CFHR5: variants seen among roughly 807,000 people sequenced by gnomAD.
CFHR5 encodes complement factor H related 5.
In CFHR5, 73 loss-of-function variants were observed where a neutral mutation model predicts 62.9. That is an observed-to-expected ratio of 1.16 (90% CI 0.96 to 1.41). The LOEUF is 1.41. CFHR5 is among the 40% of genes most tolerant of loss of function. The pLI, the probability that CFHR5 is intolerant of heterozygous loss-of-function variation, is 0.00. For missense variants in CFHR5, 779 were observed against 679.9 expected (o/e 1.15, Z -1.62); for synonymous variants, 249 against 227.2 (o/e 1.10, Z -0.86).
intron 3 of CFHR5, among the ~76,000 whole-genome samples, chr1:196,991,953 A>G (rs1454857138): frequency 6.6e-6 from 1 of 152,198 alleles, no homozygotes; most frequent in African/African-American, 2.4e-5. Flanking sequence ...TGTCTACAGA[A>G]GTTTCTGCTG....
At chr1:196,980,871 A>G (rs1411452766) in intron 1 of CFHR5, among the ~76,000 whole-genome samples, 5 of 152,144 alleles carry the variant, frequency 3.3e-5, no homozygotes, top group African/African-American at 1.2e-4. Context: ...AGAATATGTA[A>G]GTACATATGC....
At chr1:197,003,421 G>C (rs1435801530) in intron 8 of CFHR5, among the ~76,000 whole-genome samples, 1 of 152,100 alleles carries the variant, frequency 6.6e-6, no homozygotes, top group Non-Finnish European at 1.5e-5. Flanking sequence ...CTAGGTTTGT[G>C]TAGGCTCACT....
At position 196,998,257 on chromosome 1, in the gene CFHR5, A is replaced by C. The variant is rs766952894; in HGVS notation, c.1100A>C (p.His367Pro). ...YRCSDIFRYR[H>P]SVCINGKWNP... is the part of the protein sequence containing the mutation. Reference sequence around the variant, plus strand: ...TGTTCAGACATCTTCAGATACAGGCACTCAGTCTGTATAAACGGGAAATGG... The same window carrying C: ...TGTTCAGACATCTTCAGATACAGGCCCTCAGTCTGTATAAACGGGAAATGG... Residue 367 changes from histidine (H) to proline (P), a missense_variant, in exon 7 of 10, where the codon CAC becomes CCC. By Grantham distance (77) the His-to-Pro change is moderately conservative. Transcript: ENST00000256785. The C allele has an allele frequency of 6.2e-7, 1 of 1,610,624 alleles. No homozygotes were observed. Among genetic ancestry groups the C allele is most frequent in the Non-Finnish European group, 8.5e-7 (1 of 1,177,774 alleles).
At position 196,984,141 on chromosome 1, in the gene CFHR5, A is replaced by G. The variant is rs1388713641; in HGVS notation, c.430+4A>G. The G allele has an allele frequency of 1.9e-6, 3 of 1,611,068 alleles. No homozygotes were observed. Among genetic ancestry groups the G allele is most frequent in the Non-Finnish European group, 2.5e-6 (3 of 1,177,530 alleles). On this transcript the variant is annotated splice_donor_region_variant and intron_variant, in intron 3 of 9. Coordinates refer to ENST00000256785, the MANE Select transcript of CFHR5 (RefSeq NM_030787.4). ...CCTCCCATATGCAGCTTCACTAGTA[A>G]GCAAAATACCACTCTCTCAGTTTTG...
intron 1 of CFHR5, among the ~76,000 whole-genome samples, chr1:196,979,256 C>CTGTGTGTGTG (rs57862148): frequency 0.037 from 5,498 of 148,520 alleles, 317 homozygotes; most frequent in African/African-American, 0.12. Flanking sequence ...AGGTAATTGT[C>CTGTGTGTGTG]TGTGTGTGTG....
rs1370951971 is a variant in CFHR5 at position 197,008,844 on chromosome 1, G to A, written c.*161G>A. 1.7e-5 allele frequency: 11 copies of A among 652,802 alleles called. No homozygotes were observed. The highest frequency in any genetic ancestry group is 2.7e-5 in the Non-Finnish European group (10 of 368,776). 40.4% of individuals were successfully genotyped at this position (652,802 alleles called of 1,614,324 possible). On this transcript the variant is annotated 3_prime_UTR_variant, in exon 10 of 10. Coordinates refer to ENST00000256785, the MANE Select transcript of CFHR5 (RefSeq NM_030787.4). The stretch of plus-strand genomic sequence containing the variant: ...TTTTTAGAGCTTTAGAAATTTGTAA[G>A]CTGAGAGAACAATGTTTCACTTAAT...
At chr1:197,008,363 A>T (rs1654346097) in intron 9 of CFHR5, 124 bp from the exon 10 acceptor site, 3 of 434,532 alleles carry the variant, frequency 6.9e-6, no homozygotes, top group Non-Finnish European at 3.6e-6. Context: ...ATTATTTTTT[A>T]AATAAATATT....
intron 3 of CFHR5, among the ~76,000 whole-genome samples, chr1:196,985,741 G>A (rs930587416): frequency 9.9e-5 from 15 of 152,282 alleles, no homozygotes; most frequent in African/African-American, 3.4e-4. Context: ...TCTGTGTACA[G>A]TCTGTAAGAT....
At chr1:196,987,591 T>C (rs187292942) in intron 3 of CFHR5, among the ~76,000 whole-genome samples, 2 of 152,296 alleles carry the variant, frequency 1.3e-5, no homozygotes, top group African/African-American at 4.8e-5. Context: ...GGCCAGGCAG[T>C]TTTCCCAGCA....
At position 197,004,812 on chromosome 1, in the gene CFHR5, T is replaced by C. The variant is rs1654243212; in HGVS notation, c.1482T>C (p.Asn494=). 1 of 1,613,712 alleles carries C rather than the reference T, an allele frequency of 6.2e-7. No individual in the cohort carries two copies. Among genetic ancestry groups the C allele is most frequent in the Admixed American group, 1.7e-5 (1 of 60,000 alleles). ...LQGSVTVTCR[N]KQWSEPPRCL... ...GCTCTGTAACTGTAACATGCAGAAA[T>C]AAACAGTGGTCAGAACCACCAAGAT... The change falls in exon 9 of 10, where the codon AAT becomes AAC. Residue 494 remains asparagine, a synonymous_variant. Transcript: ENST00000256785.
intron 1 of CFHR5, among the ~76,000 whole-genome samples, chr1:196,979,252 T>TTGTGTG (rs1304002381): frequency 7.9e-5 from 8 of 100,932 alleles, no homozygotes; most frequent in African/African-American, 3.6e-4. Flanking sequence ...ATATAGGTAA[T>TTGTGTG]TGTCTGTGTG....
intron 9 of CFHR5, 27 bp downstream of exon 9, chr1:197,004,870 C>G: frequency 6.5e-7 from 1 of 1,545,502 alleles, no homozygotes; most frequent in Non-Finnish European, 8.9e-7. Flanking sequence ...CTCTTGGAAT[C>G]TGAGATTTAA....
chr1:196,992,521 A>C (rs911049711), intron 3 of CFHR5, among the ~76,000 whole-genome samples: 3 of 152,086 alleles, frequency 2.0e-5, no homozygotes, highest in Non-Finnish European at 4.4e-5. Context: ...CTCCCCCTCC[A>C]TGGACTGCAC....
At chr1:197,007,871 C>T (rs1654331824) in intron 9 of CFHR5, among the ~76,000 whole-genome samples, 2 of 146,376 alleles carry the variant, frequency 1.4e-5, no homozygotes, top group East Asian at 2.0e-4. Flanking sequence ...GATTACATTA[C>T]ATTAGATATA....
chr1:196,987,896 T>G (rs1354408812), intron 3 of CFHR5, among the ~76,000 whole-genome samples: 1 of 152,204 alleles, frequency 6.6e-6, no homozygotes, highest in Non-Finnish European at 1.5e-5. Context: ...TTTTGTCCTA[T>G]TCTGTGAAGA....
At chr1:196,999,705 A>ATATATG (rs1558288946) in intron 7 of CFHR5, among the ~76,000 whole-genome samples, 2 of 52,752 alleles carry the variant, frequency 3.8e-5, no homozygotes, top group African/African-American at 9.9e-5. Context: ...ATATATATAT[A>ATATATG]TATATATATA....
intron 3 of CFHR5, among the ~76,000 whole-genome samples, chr1:196,984,938 C>G (rs1281540038): frequency 6.6e-6 from 1 of 152,170 alleles, no homozygotes; most frequent in African/African-American, 2.4e-5. Flanking sequence ...GAAAAGGCTT[C>G]CCAATAAACA....
chr1:196,989,897 A>G (rs1384589068), intron 3 of CFHR5, among the ~76,000 whole-genome samples: 1 of 152,182 alleles, frequency 6.6e-6, no homozygotes, highest in Non-Finnish European at 1.5e-5. Flanking sequence ...CGCTTGGTGC[A>G]GAGCTGATTT....
intron 6 of CFHR5, among the ~76,000 whole-genome samples, chr1:196,996,768 A>C (rs993296518): frequency 5.3e-5 from 8 of 152,120 alleles, no homozygotes; most frequent in Non-Finnish European, 8.8e-5. Context: ...GGAACTAGGC[A>C]TGATCCTTGC....
Sources: allele counts gnomAD v4.1 joint callset (sites outside exome capture counted in the v4.1 genomes callset), GRCh38; gene constraint gnomAD v4.1.1; transcripts MANE v1.5; gene names NCBI Gene and HGNC (gene_info 2026-07-23, HGNC 2026-07-21).